SCAMP4: variants seen among roughly 807,000 people sequenced by gnomAD.
SCAMP4 encodes secretory carrier-associated membrane protein 4.
A neutral mutation model predicts 32.1 loss-of-function variants in SCAMP4; 19 were observed. The observed-to-expected ratio is 0.59, with a 90% CI of 0.41 to 0.87. The LOEUF (loss-of-function observed/expected upper bound fraction) is 0.87, where lower values mean the gene tolerates loss of function less well. SCAMP4 is among the 40% of genes least tolerant of loss of function. The pLI is 0.00. For missense variants in SCAMP4, 302 were observed against 309.0 expected (o/e 0.98, Z 0.17); for synonymous variants, 152 against 132.7 (o/e 1.15, Z -1.00).
intron 1 of SCAMP4, among the ~76,000 whole-genome samples, chr19:1,914,358 C>T (rs1358581794): frequency 6.6e-6 from 1 of 152,000 alleles, no homozygotes; most frequent in Non-Finnish European, 1.5e-5. Context: ...AGCTCCTGGC[C>T]CCGTGCCCGC....
chr19:1,920,458 G>T, intron 5 of SCAMP4: 2 of 645,386 alleles, frequency 3.1e-6, no homozygotes, highest in Non-Finnish European at 3.9e-6. Context: ...TGCGCCTGGC[G>T]CCAGGCCCTC....
At chr19:1,912,828 C>G in intron 1 of SCAMP4, 1 of 1,591,112 alleles carries the variant, frequency 6.3e-7, no homozygotes, top group Non-Finnish European at 8.5e-7. Flanking sequence ...CGACTTCAGA[C>G]CCTTCCCCGC....
chr19:1,921,074 G>T (rs1470819743), intron 5 of SCAMP4: 1 of 985,328 alleles, frequency 1.0e-6, no homozygotes, highest in Non-Finnish European at 1.2e-6. Context: ...TGTAATGAGA[G>T]AAATCAAACC....
intron 6 of SCAMP4, 21 bp from the exon 7 acceptor site, chr19:1,924,087 C>T (rs778508548): frequency 6.3e-6 from 10 of 1,576,482 alleles, no homozygotes; most frequent in Non-Finnish European, 8.5e-6. Context: ...TCTTCTGCCT[C>T]CCTGTCCTCT....
At chr19:1,912,997 C>G in intron 1 of SCAMP4, 1 of 1,608,540 alleles carries the variant, frequency 6.2e-7, no homozygotes, top group South Asian at 1.1e-5. Flanking sequence ...CTGGTGCACG[C>G]ACGCATCCTG....
chr19:1,913,288 G>C, intron 1 of SCAMP4: 1 of 1,286,048 alleles, frequency 7.8e-7, no homozygotes, highest in Non-Finnish European at 1.0e-6. Context: ...GGGGAGCACG[G>C]GTGCTGCCTT....
chr19:1,907,661 C>G (rs1047834339), intron 1 of SCAMP4, among the ~76,000 whole-genome samples: 1 of 152,174 alleles, frequency 6.6e-6, no homozygotes, highest in African/African-American at 2.4e-5. Flanking sequence ...GTCTGACTCA[C>G]CTGCCTGGAG....
chr19:1,924,247 C>T lies in SCAMP4; in HGVS notation c.653C>T (p.Thr218Ile). ...GGCAACAGCCTGCCCGAGTACCCCA[C>T]TGTGCCCAGCTACCCGGGCAGTGGC... ...FSGNSLPEYP[T>I]VPSYPGSGQW... The change falls in exon 7 of 7, where the codon ACT becomes ATT. Residue 218 changes from threonine to isoleucine, a missense_variant. Transcript: ENST00000316097. 4 of 1,603,784 alleles carry T rather than the reference C, an allele frequency of 2.5e-6. No individual in the cohort carries two copies. In the East Asian group the frequency reaches 9.0e-5, roughly 36 times the overall value.
chr19:1,906,655 C>T (rs1432493903), intron 1 of SCAMP4: 1 of 150,804 alleles, frequency 6.6e-6, no homozygotes, highest in Non-Finnish European at 1.5e-5. Context: ...TCAAGACCAT[C>T]CTGGCTAACA....
intron 5 of SCAMP4, chr19:1,922,607 G>A (rs1468327930): frequency 1.7e-5 from 17 of 985,316 alleles, no homozygotes; most frequent in African/African-American, 3.5e-5. Context: ...CATTGCTCCC[G>A]GACATGCGGA....
At chr19:1,912,303 C>A in intron 1 of SCAMP4, 1 of 1,562,270 alleles carries the variant, frequency 6.4e-7, no homozygotes, top group Non-Finnish European at 8.6e-7. Context: ...GCACCCGCTC[C>A]CCGCCCAGCC....
intron 6 of SCAMP4, among the ~76,000 whole-genome samples, chr19:1,923,815 C>T (rs1483329545): frequency 7.7e-6 from 1 of 130,224 alleles, no homozygotes; most frequent in Non-Finnish European, 1.6e-5. Context: ...TTGGTAGAGA[C>T]AGGTTTTCAC....
At chr19:1,921,460 G>C (rs922945723) in intron 5 of SCAMP4, 1 of 985,310 alleles carries the variant, frequency 1.0e-6, no homozygotes, top group African/African-American at 1.7e-5. Context: ...GGGGCCCCCG[G>C]TGGGCCCCGC....
At chr19:1,923,236 C>T (rs2013977403) in intron 6 of SCAMP4, 49 bp downstream of exon 6, 1 of 1,466,496 alleles carries the variant, frequency 6.8e-7, no homozygotes. Flanking sequence ...TCTCCATGAA[C>T]CTCGTCACCC....
At position 1,908,641 on chromosome 19, in the gene SCAMP4, A is replaced by C. The variant is rs906802143; in HGVS notation, c.-42+3202A>C. ...AAATAACTGTGAGCACACAGGTAGT[A>C]AGGTTTTTAGGATTTTATTATTATT... On this transcript the variant is annotated intron_variant, in intron 1 of 6. Coordinates refer to ENST00000316097, the MANE Select transcript of SCAMP4 (RefSeq NM_079834.4). This position sits in a 1 kb window ranked among gnomAD's most constrained non-coding sequence, Gnocchi z 4.2. 3 of 461,100 alleles carry C rather than the reference A, an allele frequency of 6.5e-6. No individual in the cohort carries two copies. The highest frequency in any genetic ancestry group is 6.1e-5 in the African/African-American group (3 of 49,566). 28.6% of individuals were successfully genotyped at this position (461,100 alleles called of 1,614,324 possible). A position where few individuals can be genotyped will look rare whatever the true frequency, so the allele number is the denominator to read the frequency against.
chr19:1,909,047 GTGAGC>G (rs974269425), intron 1 of SCAMP4, among the ~76,000 whole-genome samples: 11 of 151,446 alleles, frequency 7.3e-5, no homozygotes, highest in Non-Finnish European at 1.3e-4. Context: ...GGAGGTTGCA[GTGAGC>G]TGAGATCATG....
At position 1,917,808 on chromosome 19, in the gene SCAMP4, A is replaced by T; in HGVS notation, c.122A>T (p.Tyr41Phe). ...VEHQVLVKRI[Y>F]RLWMFYCATL... ...CACCAGGTCCTGGTGAAGAGGATCT[A>T]CCGGCTGTGGATGTGTGAGTGCGCC... The change falls in exon 3 of 7, where the codon TAC becomes TTC. Residue 41 changes from tyrosine to phenylalanine, a missense_variant. Transcript: ENST00000316097. 1.2e-6 allele frequency: 2 copies of T among 1,613,986 alleles called. No homozygotes were observed. Among genetic ancestry groups the T allele is most frequent in the East Asian group, 2.2e-5 (1 of 44,890 alleles).
intron 4 of SCAMP4, 140 bp downstream of exon 4, chr19:1,918,423 G>A (rs745458645): frequency 9.6e-7 from 1 of 1,045,566 alleles, no homozygotes; most frequent in Non-Finnish European, 1.3e-6. Flanking sequence ...GTGGCAAACT[G>A]TGGCCCACAA....
intron 5 of SCAMP4, chr19:1,922,366 C>T (rs1395450632): frequency 1.3e-6 from 1 of 767,882 alleles, no homozygotes; most frequent in East Asian, 1.3e-4. Context: ...TCCCAGATAG[C>T]TGGGATTACA....
Sources: allele counts gnomAD v4.1 joint callset (sites outside exome capture counted in the v4.1 genomes callset), GRCh38; gene constraint gnomAD v4.1.1; non-coding constraint Gnocchi (gnomAD v3.1); transcripts MANE v1.5; gene names NCBI Gene and HGNC (gene_info 2026-07-23, HGNC 2026-07-21).